FHIT: variants seen among roughly 807,000 people sequenced by gnomAD.
The protein encoded by FHIT is bis(5'-adenosyl)-triphosphatase.
FHIT carries 19 observed loss-of-function variants against 17.9 expected under a neutral mutation model. The ratio of observed to expected loss-of-function variants is 1.06; its 90% CI spans 0.74 to 1.56. The LOEUF is 1.56. Among genes scored for constraint, FHIT ranks in the 40% most tolerant of loss-of-function variants. FHIT has a pLI of 0.00. For missense variants in FHIT, 248 were observed against 189.2 expected (o/e 1.31, Z -1.82); for synonymous variants, 81 against 69.7 (o/e 1.16, Z -0.81).
At position 60,553,307 on chromosome 3, in the gene FHIT, G is replaced by C. The variant is rs1029072148; in HGVS notation, c.-17-16328C>G. 1.5e-4 allele frequency: 82 copies of C among 531,590 alleles called. 1 individual carries two copies. Among genetic ancestry groups the C allele is most frequent in the Non-Finnish European group, 1.7e-4 (72 of 416,222 alleles). 32.9% of individuals were successfully genotyped at this position (531,590 alleles called of 1,614,324 possible). ...TTCATTATACATTGTTTTGGTTAAAGTTGTAGTTTCTAAGAAACCTACCTA... is the reference window on the plus strand; with the variant it reads ...TTCATTATACATTGTTTTGGTTAAACTTGTAGTTTCTAAGAAACCTACCTA... On this transcript the variant is annotated intron_variant, in intron 4 of 9. Coordinates refer to ENST00000492590, the MANE Select transcript of FHIT (RefSeq NM_002012.4).
At chr3:60,366,848 G>T (rs564343778) in intron 5 of FHIT, among the ~76,000 whole-genome samples, 1 of 152,278 alleles carries the variant, frequency 6.6e-6, no homozygotes, top group East Asian at 1.9e-4. Context: ...CCCTACCAAA[G>T]TCAGAAAGGC....
At chr3:60,210,830 T>G (rs192800090) in intron 5 of FHIT, among the ~76,000 whole-genome samples, 2 of 152,178 alleles carry the variant, frequency 1.3e-5, no homozygotes, top group East Asian at 3.9e-4. Flanking sequence ...ACCCTATGGA[T>G]AAGTGTTCAT....
intron 2 of FHIT, chr3:61,167,190 G>C (rs1265062141): frequency 6.6e-6 from 1 of 151,924 alleles, no homozygotes; most frequent in Non-Finnish European, 1.5e-5. Flanking sequence ...TTTTTCTTGA[G>C]CACTTTCCTA....
intron 7 of FHIT, among the ~76,000 whole-genome samples, chr3:59,952,060 G>A (rs1707143437): frequency 6.6e-6 from 1 of 152,090 alleles, no homozygotes; most frequent in South Asian, 2.1e-4. Flanking sequence ...CACCTAAAGG[G>A]GTACTGAGAA....
At chr3:60,544,985 C>T (rs933168318) in intron 4 of FHIT, among the ~76,000 whole-genome samples, 2 of 152,086 alleles carry the variant, frequency 1.3e-5, no homozygotes, top group South Asian at 2.1e-4. Context: ...CGAGCATTTT[C>T]TGTTTCATGA....
intron 5 of FHIT, among the ~76,000 whole-genome samples, chr3:60,279,052 C>A (rs1707303325): frequency 6.6e-6 from 1 of 151,994 alleles, no homozygotes; most frequent in African/African-American, 2.4e-5. Flanking sequence ...AAATCAATTA[C>A]ATTGAAAATA....
intron 4 of FHIT, among the ~76,000 whole-genome samples, chr3:60,590,657 C>T (rs1258545693): frequency 1.3e-5 from 2 of 152,080 alleles, no homozygotes; most frequent in African/African-American, 2.4e-5. Context: ...GTGTGCATGC[C>T]TAAAAAATCT....
At chr3:59,968,931 T>G (rs1172467926) in intron 7 of FHIT, among the ~76,000 whole-genome samples, 2 of 152,170 alleles carry the variant, frequency 1.3e-5, no homozygotes, top group Non-Finnish European at 2.9e-5. Flanking sequence ...GAATGCAACA[T>G]TTCCCACACA....
chr3:60,775,881 G>T (rs899242470), intron 4 of FHIT, among the ~76,000 whole-genome samples: 22 of 152,284 alleles, frequency 1.4e-4, no homozygotes, highest in East Asian at 7.8e-4. Flanking sequence ...CTGGCCAAGG[G>T]ATGTAACTCT....
chr3:60,640,511 C>T (rs1343773387), intron 4 of FHIT, among the ~76,000 whole-genome samples: 6 of 152,052 alleles, frequency 3.9e-5, no homozygotes, highest in African/African-American at 1.4e-4. Flanking sequence ...GAAATAGTTA[C>T]ATGGGATGTT....
chr3:59,998,943 A>C (rs1699622698), intron 7 of FHIT, among the ~76,000 whole-genome samples: 1 of 152,106 alleles, frequency 6.6e-6, no homozygotes, highest in East Asian at 1.9e-4. Flanking sequence ...CCTAAAACAC[A>C]ACTTGCCTCC....
chr3:60,390,844 G>C (rs928192535), intron 5 of FHIT, among the ~76,000 whole-genome samples: 1 of 152,076 alleles, frequency 6.6e-6, no homozygotes, highest in Non-Finnish European at 1.5e-5. Context: ...TATTACAAGA[G>C]TGTCAGAAAG....
chr3:59,942,134 C>A (rs1706551663), intron 7 of FHIT, among the ~76,000 whole-genome samples: 1 of 152,180 alleles, frequency 6.6e-6, no homozygotes. Context: ...CTTCCTGCTC[C>A]CATTTCAAGG....
At chr3:59,958,658 G>C (rs1301954146) in intron 7 of FHIT, among the ~76,000 whole-genome samples, 2 of 152,150 alleles carry the variant, frequency 1.3e-5, no homozygotes, top group African/African-American at 4.8e-5. Flanking sequence ...ACAATGCCTT[G>C]GTGAAATAAT....
chr3:60,154,669 G>A (rs558366234), intron 5 of FHIT, among the ~76,000 whole-genome samples: 1 of 152,202 alleles, frequency 6.6e-6, no homozygotes, highest in East Asian at 1.9e-4. Context: ...AGTGAAATGG[G>A]TCCAATGACA....
At chr3:60,231,518 A>T (rs1704495937) in intron 5 of FHIT, among the ~76,000 whole-genome samples, 2 of 152,132 alleles carry the variant, frequency 1.3e-5, no homozygotes, top group Non-Finnish European at 2.9e-5. Flanking sequence ...CACATCTTAC[A>T]TATGTGGCAC....
chr3:60,711,666 A>C (rs2041536333), intron 4 of FHIT, among the ~76,000 whole-genome samples: 1 of 152,234 alleles, frequency 6.6e-6, no homozygotes, highest in Non-Finnish European at 1.5e-5. Flanking sequence ...ACTGGAAGAA[A>C]GGGTGTCAGT....
At chr3:61,186,220 GA>G in intron 2 of FHIT, among the ~76,000 whole-genome samples, 1 of 152,284 alleles carries the variant, frequency 6.6e-6, no homozygotes, top group Admixed American at 6.5e-5. Flanking sequence ...TGAAGAACTT[GA>G]AAAGCAGCAT....
chr3:59,979,128 C>A (rs2107422250), intron 7 of FHIT, among the ~76,000 whole-genome samples: 1 of 152,172 alleles, frequency 6.6e-6, no homozygotes, highest in East Asian at 1.9e-4. Context: ...AACATGTGTG[C>A]CTAAAAATGT....
Sources: gnomAD v4.1 joint callset for allele counts (sites outside exome capture counted in the v4.1 genomes callset) on GRCh38, gnomAD v4.1.1 for gene constraint, MANE v1.5 for transcripts, NCBI Gene and HGNC (gene_info 2026-07-23, HGNC 2026-07-21) for gene names.